The following CPEB2 variants were observed in gnomAD, a reference collection of about 807,000 sequenced individuals.
CPEB2 encodes the protein cytoplasmic polyadenylation element binding protein 2.
A neutral mutation model predicts 93.6 loss-of-function variants in CPEB2; 56 were observed. The ratio of observed to expected loss-of-function variants is 0.60; its 90% CI spans 0.48 to 0.75. CPEB2 has a LOEUF of 0.75. Among genes scored for constraint, CPEB2 ranks in the 30% least tolerant of loss-of-function variants. The pLI is 0.00. For missense variants in CPEB2, 1,579 were observed against 1,395.1 expected (o/e 1.13, Z -2.10); for synonymous variants, 764 against 586.3 (o/e 1.30, Z -4.38).
chr4:15,041,523 C>T (rs949188490), intron 6 of CPEB2, among the ~76,000 whole-genome samples: 1 of 152,032 alleles, frequency 6.6e-6, no homozygotes, highest in African/African-American at 2.4e-5. Context: ...CTACCTCATC[C>T]TCCCAAGTAG....
chr4:15,007,284 A>G, intron 1 of CPEB2, 21 bp from the exon 2 acceptor site: 1 of 1,415,312 alleles, frequency 7.1e-7, no homozygotes, highest in Non-Finnish European at 9.3e-7. Flanking sequence ...GCCGCAATTT[A>G]AATAGCTATG....
chr4:15,042,041 C>T (rs1243346688), intron 6 of CPEB2, among the ~76,000 whole-genome samples: 1 of 152,102 alleles, frequency 6.6e-6, no homozygotes, highest in Non-Finnish European at 1.5e-5. Context: ...ATTTTCAAAT[C>T]TATGGACTAG....
At chr4:15,039,833 TATAAC>T (rs1182158783) in intron 5 of CPEB2, among the ~76,000 whole-genome samples, 4 of 152,166 alleles carry the variant, frequency 2.6e-5, no homozygotes, top group African/African-American at 4.8e-5. Flanking sequence ...AGATAGCTGT[TATAAC>T]ATATATTAAA....
At chr4:15,030,561 A>G (rs910585055) in intron 4 of CPEB2, among the ~76,000 whole-genome samples, 4 of 152,106 alleles carry the variant, frequency 2.6e-5, no homozygotes, top group Non-Finnish European at 2.9e-5. Context: ...GTTTTTAGCG[A>G]AAGTACTTTT....
At chr4:15,006,323 T>G (rs1180977647) in intron 1 of CPEB2, 1 of 152,106 alleles carries the variant, frequency 6.6e-6, no homozygotes, top group East Asian at 1.9e-4. Flanking sequence ...TTATTTGTAG[T>G]AACTGTATGG....
Position 15,017,188 on chromosome 4 carries a change from G to C in CPEB2, c.2035G>C (p.Asp679His), listed in dbSNP as rs1422828941. Residue 679 changes from aspartate (D) to histidine (H), a missense_variant and splice_region_variant, in exon 4 of 12, where the codon GAT becomes CAT. Coordinates refer to ENST00000538197, the MANE Select transcript of CPEB2 (RefSeq NM_001177382.2). ...TGTCTTTTTTCCTCTTCTCTTCCAGGATCGAAGTAGAATGTATGACAGTTT... is the reference window on the plus strand; with the variant it reads ...TGTCTTTTTTCCTCTTCTCTTCCAGCATCGAAGTAGAATGTATGACAGTTT... ...TAAGTSRIDQ[D>H]RSRMYDSLNM... 1 of 1,557,480 alleles carries C rather than the reference G, an allele frequency of 6.4e-7. No individual in the cohort carries two copies. Among genetic ancestry groups the C allele is most frequent in the Non-Finnish European group, 8.8e-7 (1 of 1,132,330 alleles).
chr4:15,019,142 GAATATT>G (rs1190549357), intron 4 of CPEB2, among the ~76,000 whole-genome samples: 3 of 150,760 alleles, frequency 2.0e-5, no homozygotes, highest in Admixed American at 2.0e-4. Context: ...ACAAAACGTG[GAATATT>G]TTATCTTCCA....
At chr4:15,008,470 T>A (rs779176137) in intron 3 of CPEB2, 43 bp downstream of exon 3, 1 of 1,321,962 alleles carries the variant, frequency 7.6e-7, no homozygotes, top group Non-Finnish European at 1.1e-6. Context: ...CGGTTAGGAG[T>A]TTAGTATTTA....
intron 6 of CPEB2, among the ~76,000 whole-genome samples, chr4:15,044,373 T>A (rs1727463195): frequency 6.6e-6 from 1 of 152,154 alleles, no homozygotes; most frequent in African/African-American, 2.4e-5. Context: ...TTTGCTGACC[T>A]CCCTTTCCTA....
rs1164797041 is a variant in CPEB2 at position 15,056,743 on chromosome 4, G to A, written c.2462-1678G>A. Among the ~76,000 whole-genome samples the A allele has an allele frequency of 2.2e-4, 34 of 152,178 alleles. 1 individual carries two copies. The highest frequency in any genetic ancestry group is 2.2e-3 in the Admixed American group (34 of 15,266). ...GTCCCTTAGATGCTAAGCCACACAT[G>A]TACGTAAGTTTCCTTTGCAGTGAAT... On this transcript the variant is annotated intron_variant, in intron 8 of 11. Coordinates refer to ENST00000538197, the MANE Select transcript of CPEB2 (RefSeq NM_001177382.2).
Position 15,003,951 on chromosome 4 carries a change from C to G in CPEB2, c.1278C>G (p.Thr426=), listed in dbSNP as rs779009923. 1 of 1,310,638 alleles carries G rather than the reference C, an allele frequency of 7.6e-7. No homozygotes were observed. The highest frequency in any genetic ancestry group is 2.4e-4 in the Middle Eastern group (1 of 4,190). 81.2% of individuals were successfully genotyped at this position (1,310,638 alleles called of 1,614,324 possible). ...QPQPPGSSAT[T]PGGGSGGSLS... ...AGCCGCCCGGCTCGTCTGCCACCAC[C>G]CCGGGCGGCGGCAGCGGCGGCTCGC... The change falls in exon 1 of 12, where the codon ACC becomes ACG. Residue 426 remains threonine (T), a synonymous_variant. Coordinates refer to ENST00000538197, the MANE Select transcript of CPEB2 (RefSeq NM_001177382.2).
intron 9 of CPEB2, 56 bp from the exon 10 acceptor site, chr4:15,059,131 C>G (rs1366027349): frequency 1.9e-6 from 2 of 1,036,630 alleles, no homozygotes; most frequent in African/African-American, 3.2e-5. Context: ...AACAAACAAA[C>G]AGAAAATTCT....
intron 10 of CPEB2, among the ~76,000 whole-genome samples, chr4:15,059,931 A>G (rs182872290): frequency 4.6e-4 from 70 of 152,304 alleles, no homozygotes; most frequent in Non-Finnish European, 5.6e-4. Flanking sequence ...ATACATGGAA[A>G]TACTTATAGA....
At chr4:15,027,063 T>A (rs1476943834) in intron 4 of CPEB2, among the ~76,000 whole-genome samples, 1 of 152,210 alleles carries the variant, frequency 6.6e-6, no homozygotes. Context: ...TGAATATATC[T>A]GAATTAGTAC....
In CPEB2 at chr4:15,067,907, G is replaced by A. The variant is rs896042817; in HGVS notation, c.*1527G>A. The A allele has an allele frequency of 6.6e-6, 1 of 152,104 alleles. No individual in the cohort carries two copies. Among genetic ancestry groups the A allele is most frequent in the Non-Finnish European group, 1.5e-5 (1 of 67,848 alleles). 9.4% of individuals were successfully genotyped at this position (152,104 alleles called of 1,614,324 possible). A position where few individuals can be genotyped will look rare whatever the true frequency, so the allele number is the denominator to read the frequency against. On this transcript the variant is annotated 3_prime_UTR_variant, in exon 12 of 12. Transcript: ENST00000538197. Reference sequence around the variant, plus strand: ...ATGACTTTGCTTGCAGGTTTTTTGGGGTGTTTTGAGAAAGTGGCATGGAAA... The same window carrying A: ...ATGACTTTGCTTGCAGGTTTTTTGGAGTGTTTTGAGAAAGTGGCATGGAAA...
intron 10 of CPEB2, among the ~76,000 whole-genome samples, chr4:15,060,502 G>A (rs1729089358): frequency 1.3e-5 from 2 of 152,204 alleles, no homozygotes; most frequent in South Asian, 2.1e-4. Flanking sequence ...CAACTGAACA[G>A]AGGTGACAGA....
intron 6 of CPEB2, among the ~76,000 whole-genome samples, chr4:15,041,659 T>A (rs1195769681): frequency 2.0e-5 from 3 of 152,152 alleles, no homozygotes; most frequent in Non-Finnish European, 4.4e-5. Context: ...CACCTCGGCC[T>A]CCCAAAGTGC....
At chr4:15,031,612 A>G (rs532736642) in intron 4 of CPEB2, among the ~76,000 whole-genome samples, 18 of 152,182 alleles carry the variant, frequency 1.2e-4, no homozygotes, top group Non-Finnish European at 2.5e-4. Flanking sequence ...ATGCAGGAGT[A>G]AATAAGAGAT....
Position 15,031,128 on chromosome 4 carries a change from A to T in CPEB2, c.2126-2033A>T, listed in dbSNP as rs185129095. Among the ~76,000 whole-genome samples, 267 of 152,178 alleles carry T rather than the reference A, an allele frequency of 1.8e-3. 2 individuals carry two copies. Among genetic ancestry groups the T allele is most frequent in the Non-Finnish European group, 7.4e-4 (50 of 67,994 alleles). On this transcript the variant is annotated intron_variant, in intron 4 of 11. Coordinates refer to ENST00000538197, the MANE Select transcript of CPEB2 (RefSeq NM_001177382.2). ...ACCTAGCATATTTTATTGAAATTGT[A>T]TATTTGTGTCTATCTCCCCTACCAC...
Sources: allele counts gnomAD v4.1 joint callset (sites outside exome capture counted in the v4.1 genomes callset), GRCh38; gene constraint gnomAD v4.1.1; transcripts MANE v1.5; gene names NCBI Gene and HGNC (gene_info 2026-07-23, HGNC 2026-07-21).